Variants in C1QC observed in about 807,000 individuals in gnomAD.
C1QC encodes the protein complement C1q C chain.
In C1QC, 4 loss-of-function variants were observed where a neutral mutation model predicts 5.9. The ratio of observed to expected loss-of-function variants is 0.68; its 90% CI spans 0.33 to 1.55. C1QC has a LOEUF of 1.55. Among genes scored for constraint, C1QC ranks in the 40% most tolerant of loss-of-function variants. C1QC has a pLI of 0.06. For synonymous variants in C1QC, 166 were observed against 153.8 expected (o/e 1.08, Z -0.59); for missense variants, 299 against 326.9 (o/e 0.91, Z 0.66).
At chr1:22,643,855 G>A in intron 1 of C1QC, 141 bp downstream of exon 1, 1 of 1,378,628 alleles carries the variant, frequency 7.3e-7, no homozygotes, top group South Asian at 1.7e-5. Context: ...CCGGGGCCTG[G>A]GCTGAAGAAA....
In C1QC at chr1:22,647,696, G is replaced by A. The variant is rs747285199; in HGVS notation, c.651G>A (p.Val217=). ...TGAGGTTGCAGGTGGGCGAGGAGGT[G>A]TGGCTGGCTGTCAATGACTACTACG... ...VLLRLQVGEE[V]WLAVNDYYDM... is the part of the protein sequence containing the mutation. Residue 217 remains valine (V), a synonymous_variant, in exon 3 of 3, where the codon GTG becomes GTA. Coordinates refer to ENST00000374640, the MANE Select transcript of C1QC (RefSeq NM_172369.5). The A allele has an allele frequency of 1.2e-6, 2 of 1,605,776 alleles. No homozygotes were observed. The highest frequency in any genetic ancestry group is 1.7e-6 in the Non-Finnish European group (2 of 1,179,718).
In C1QC at chr1:22,647,503, C is replaced by A; in HGVS notation, c.458C>A (p.Thr153Lys). 6.2e-7 allele frequency: 1 copy of A among 1,614,238 alleles called. No individual in the cohort carries two copies. Among genetic ancestry groups the A allele is most frequent in the Non-Finnish European group, 8.5e-7 (1 of 1,180,040 alleles). Residue 153 changes from threonine (T) to lysine (K), a missense_variant, in exon 3 of 3, where the codon ACG (threonine) becomes AAG (lysine). Thr to Lys is a moderately conservative substitution (Grantham distance 78, BLOSUM62 -1). Transcript: ENST00000374640. ...ACCAACCCGCAGGGAGATTATGACA[C>A]GAGCACTGGCAAGTTCACCTGCAAA... ...VLTNPQGDYDTSTGKFTCKVP... is the reference protein window; with the variant it reads ...VLTNPQGDYDKSTGKFTCKVP...
chr1:22,648,026 C>G lies in C1QC; in HGVS notation c.*243C>G. ...TCCTGGGACACTTAACCAATGCCTT[C>G]TGGTACTGCCATTCTTTTTTTTTTT... On this transcript the variant is annotated 3_prime_UTR_variant, in exon 3 of 3. Transcript: ENST00000374640. The G allele has an allele frequency of 4.5e-6, 2 of 443,706 alleles. No individual in the cohort carries two copies. The highest frequency in any genetic ancestry group is 6.1e-4 in the Middle Eastern group (1 of 1,652). 27.5% of individuals were successfully genotyped at this position (443,706 alleles called of 1,614,324 possible). A position where few individuals can be genotyped will look rare whatever the true frequency, so the allele number is the denominator to read the frequency against.
chr1:22,644,846 T>C lies in C1QC; in HGVS notation c.181+642T>C, dbSNP rs1029334194. The stretch of plus-strand genomic sequence containing the variant: ...TCACCTCCCTCCTTAGGATTCTGGA[T>C]AGTTGGAGGGGTGGGGAGTAGGAGG... On this transcript the variant is annotated intron_variant, in intron 2 of 2. Coordinates refer to ENST00000374640, the MANE Select transcript of C1QC (RefSeq NM_172369.5). 3.3e-5 allele frequency among the ~76,000 whole-genome samples: 5 copies of C among 152,146 alleles called. No individual in the cohort carries two copies. In the East Asian group the frequency reaches 7.7e-4, roughly 24 times the overall value.
chr1:22,647,800 C>T lies in C1QC; in HGVS notation c.*17C>T, dbSNP rs61042086. 1.6e-3 allele frequency: 2,516 copies of T among 1,599,052 alleles called. 42 individuals carry two copies. In the African/African-American group the frequency reaches 0.03, roughly 19 times the overall value. On this transcript the variant is annotated 3_prime_UTR_variant, in exon 3 of 3. Coordinates refer to ENST00000374640, the MANE Select transcript of C1QC (RefSeq NM_172369.5). The stretch of plus-strand genomic sequence containing the variant: ...CCCGACTAGGGCGGGCAGATGCGCT[C>T]GAGCCCCACGGGCCTTCCACCTCCC...
Position 22,644,184 on chromosome 1 carries a change from C to A in C1QC, c.161C>A (p.Pro54Gln), listed in dbSNP as rs779152772. Residue 54 changes from proline to glutamine, a missense_variant, in exon 2 of 3, where the codon CCG becomes CAG. Pro to Gln is a moderately conservative substitution (Grantham distance 76, BLOSUM62 -1). Transcript: ENST00000374640. ...GGGAAGGATGGGTACGACGGACTGC[C>A]GGGGCCCAAGGGGGAGCCAGGTGAG... ...APGKDGYDGL[P>Q]GPKGEPGIPA... 1.3e-6 allele frequency: 2 copies of A among 1,581,886 alleles called. No homozygotes were observed. The highest frequency in any genetic ancestry group is 2.3e-5 in the East Asian group (1 of 43,782).
Position 22,644,097 on chromosome 1 carries a change from G to A in C1QC, c.74G>A (p.Arg25Lys). ...CTGCTCCTGCTGCTGCTGCCCCTCAGGGGCCAAGCCAACACAGGCTGCTAC... is the reference window on the plus strand; with the variant it reads ...CTGCTCCTGCTGCTGCTGCCCCTCAAGGGCCAAGCCAACACAGGCTGCTAC... The part of the protein sequence containing the change: ...LLLLLLLLPL[R>K]GQANTGCYGI... The change falls in exon 2 of 3, where the codon AGG becomes AAG. Residue 25 changes from arginine to lysine, a missense_variant. By Grantham distance (26) the Arg-to-Lys change is conservative (BLOSUM62 2). Transcript: ENST00000374640. The A allele has an allele frequency of 6.3e-7, 1 of 1,579,724 alleles. No homozygotes were observed. The highest frequency in any genetic ancestry group is 8.6e-7 in the Non-Finnish European group (1 of 1,163,660).
chr1:22,647,841 G>T lies in C1QC; in HGVS notation c.*58G>T. On this transcript the variant is annotated 3_prime_UTR_variant, in exon 3 of 3. Transcript: ENST00000374640. ...TCCACCTCCCTCAGCTTCCTGCATG[G>T]ACCCACCTTACTGGCCAGTCTGCAT... is the stretch of plus-strand genomic sequence containing the variant. 7 of 1,594,126 alleles carry T rather than the reference G, an allele frequency of 4.4e-6. No homozygotes were observed. Among genetic ancestry groups the T allele is most frequent in the Middle Eastern group, 2.2e-4 (1 of 4,594 alleles).
At position 22,643,964 on chromosome 1, in the gene C1QC, G is replaced by A. The variant is rs998665467; in HGVS notation, c.-13-47G>A. 73 of 1,560,258 alleles carry A rather than the reference G, an allele frequency of 4.7e-5. No homozygotes were observed. The African/African-American group carries it at 9.3e-4, about 20-fold the overall frequency. On this transcript the variant is annotated intron_variant, in intron 1 of 2. Coordinates refer to ENST00000374640, the MANE Select transcript of C1QC (RefSeq NM_172369.5). ...GGGCCCTGGGGAATGAGAGGGTTGG[G>A]GGCAGGTGAGGGGCTGGCGGGGACA...
Position 22,647,502 on chromosome 1 carries a change from A to G in C1QC, c.457A>G (p.Thr153Ala), listed in dbSNP as rs1447202627. 6.2e-7 allele frequency: 1 copy of G among 1,614,234 alleles called. No homozygotes were observed. ...CACCAACCCGCAGGGAGATTATGAC[A>G]CGAGCACTGGCAAGTTCACCTGCAA... ...VLTNPQGDYD[T>A]STGKFTCKVP... The change falls in exon 3 of 3, where the codon ACG becomes GCG. Residue 153 changes from threonine (T) to alanine (A), a missense_variant. Thr to Ala is a moderately conservative substitution (Grantham distance 58). This residue lies in a region of C1QC where 144 missense variants were observed against 155.1 expected (regional missense o/e 0.93). Coordinates refer to ENST00000374640, the MANE Select transcript of C1QC (RefSeq NM_172369.5).
In C1QC at chr1:22,647,717, C is replaced by T; in HGVS notation, c.672C>T (p.Tyr224=). ...AGGTGTGGCTGGCTGTCAATGACTACTACGACATGGTGGGCATCCAGGGCT... is the reference window on the plus strand; with the variant it reads ...AGGTGTGGCTGGCTGTCAATGACTATTACGACATGGTGGGCATCCAGGGCT... ...GEEVWLAVND[Y]YDMVGIQGSD... The change falls in exon 3 of 3, where the codon TAC becomes TAT. Residue 224 remains tyrosine, a synonymous_variant. Transcript: ENST00000374640. The T allele has an allele frequency of 6.2e-7, 1 of 1,602,728 alleles. No individual in the cohort carries two copies. Among genetic ancestry groups the T allele is most frequent in the Non-Finnish European group, 8.5e-7 (1 of 1,179,956 alleles).
rs1347953169 is a variant in C1QC at position 22,647,540 on chromosome 1, C to T, written c.495C>T (p.Leu165=). 2 of 1,614,152 alleles carry T rather than the reference C, an allele frequency of 1.2e-6. No individual in the cohort carries two copies. Among genetic ancestry groups the T allele is most frequent in the Non-Finnish European group, 1.7e-6 (2 of 1,180,066 alleles). Residue 165 remains leucine, a synonymous_variant, in exon 3 of 3, where the codon CTC becomes CTT. Transcript: ENST00000374640. ...TGKFTCKVPG[L]YYFVYHASHT... is the part of the protein sequence containing the mutation. Reference sequence around the variant, plus strand: ...AGTTCACCTGCAAAGTCCCCGGCCTCTACTACTTTGTCTACCACGCGTCGC... The same window carrying T: ...AGTTCACCTGCAAAGTCCCCGGCCTTTACTACTTTGTCTACCACGCGTCGC...
chr1:22,647,940 C>T lies in C1QC; in HGVS notation c.*157C>T, dbSNP rs1461313017. On this transcript the variant is annotated 3_prime_UTR_variant, in exon 3 of 3. Transcript: ENST00000374640. Reference sequence around the variant, plus strand: ...CCCACCCTGACCCACCCCCACTGCACCCCCTCCCCATGGGTTCTCTCCTTC... The same window carrying T: ...CCCACCCTGACCCACCCCCACTGCATCCCCTCCCCATGGGTTCTCTCCTTC... 4.3e-6 allele frequency: 4 copies of T among 930,266 alleles called. No individual in the cohort carries two copies. Among genetic ancestry groups the T allele is most frequent in the Non-Finnish European group, 6.4e-6 (4 of 626,086 alleles). The allele number at this position is 930,266 out of a possible 1,614,324, so 57.6% of individuals were successfully genotyped here. A position where few individuals can be genotyped will look rare whatever the true frequency, so the allele number is the denominator to read the frequency against.
intron 2 of C1QC, among the ~76,000 whole-genome samples, chr1:22,645,235 A>T (rs1458130678): frequency 6.6e-6 from 1 of 152,024 alleles, no homozygotes; most frequent in African/African-American, 2.4e-5. Context: ...TCAAAGCTCA[A>T]TGAGGCCTCC....
Position 22,643,648 on chromosome 1 carries a change from T to C in C1QC, c.-80T>C, listed in dbSNP as rs1642312654. ...CTGACCACTCAGACACCGTGTCCTC[T>C]TGCCTGGGAGAGGGGAAGCAGATCT... On this transcript the variant is annotated 5_prime_UTR_variant, in exon 1 of 3. Transcript: ENST00000374640. 8 of 1,057,610 alleles carry C rather than the reference T, an allele frequency of 7.6e-6. No individual in the cohort carries two copies. The highest frequency in any genetic ancestry group is 9.1e-6 in the Non-Finnish European group (8 of 876,970). 65.5% of individuals were successfully genotyped at this position (1,057,610 alleles called of 1,614,324 possible).
At position 22,647,494 on chromosome 1, in the gene C1QC, A is replaced by T. The variant is rs1206206442; in HGVS notation, c.449A>T (p.Asp150Val). 5.0e-6 allele frequency: 8 copies of T among 1,614,180 alleles called. No homozygotes were observed. Among genetic ancestry groups the T allele is most frequent in the South Asian group, 1.1e-5 (1 of 91,082 alleles). ...FNAVLTNPQG[D>V]YDTSTGKFTC... ...GCGGTCCTCACCAACCCGCAGGGAG[A>T]TTATGACACGAGCACTGGCAAGTTC... The change falls in exon 3 of 3, where the codon GAT becomes GTT. Residue 150 changes from aspartate (D) to valine (V), a missense_variant. Around this residue, in one of 3 missense-constraint regions of C1QC, gnomAD observed 144 missense variants for 155.1 expected, o/e 0.93. Coordinates refer to ENST00000374640, the MANE Select transcript of C1QC (RefSeq NM_172369.5).
chr1:22,644,953 G>A (rs672693), intron 2 of C1QC, among the ~76,000 whole-genome samples: 64,485 of 151,876 alleles, frequency 0.42, 14,319 homozygotes, highest in African/African-American at 0.55. Context: ...GGCTATGAAT[G>A]GGTGACTGGG....
At chr1:22,646,129 G>A (rs1045846752) in intron 2 of C1QC, among the ~76,000 whole-genome samples, 1 of 152,310 alleles carries the variant, frequency 6.6e-6, no homozygotes, top group African/African-American at 2.4e-5. Flanking sequence ...CTGGCTGCAC[G>A]GCCTTGGGCA....
rs1402632389 is a variant in C1QC, at chr1:22,647,528, A to C, written c.483A>C (p.Lys161Asn). The change falls in exon 3 of 3, where the codon AAA (lysine) becomes AAC (asparagine). Residue 161 changes from lysine to asparagine, a missense_variant. This residue lies in a region of C1QC where 144 missense variants were observed against 155.1 expected (regional missense o/e 0.93). Transcript: ENST00000374640. ...YDTSTGKFTC[K>N]VPGLYYFVYH... Reference sequence around the variant, plus strand: ...CGAGCACTGGCAAGTTCACCTGCAAAGTCCCCGGCCTCTACTACTTTGTCT... The same window carrying C: ...CGAGCACTGGCAAGTTCACCTGCAACGTCCCCGGCCTCTACTACTTTGTCT... 1.2e-6 allele frequency: 2 copies of C among 1,614,220 alleles called. No homozygotes were observed. The highest frequency in any genetic ancestry group is 1.7e-5 in the Admixed American group (1 of 60,028).
Sources: gnomAD v4.1 joint callset for allele counts (sites outside exome capture counted in the v4.1 genomes callset) on GRCh38, gnomAD v4.1.1 for gene constraint, gnomAD v4.1.1 regional missense constraint, MANE v1.5 for transcripts, NCBI Gene and HGNC (gene_info 2026-07-23, HGNC 2026-07-21) for gene names.